Variants in CCDC146 observed in about 807,000 individuals in gnomAD.
The protein encoded by CCDC146 is coiled-coil domain-containing protein 146.
Under a neutral mutation model 119.3 loss-of-function variants are expected in CCDC146, and 92 were observed. That is an observed-to-expected ratio of 0.77 (90% confidence interval 0.65 to 0.92). The LOEUF is 0.92. CCDC146 is among the 40% of genes least tolerant of loss of function. CCDC146 has a pLI of 0.00. For missense variants in CCDC146, 1,000 were observed against 1,103.0 expected, an observed-to-expected ratio of 0.91 and a Z score of 1.32; for synonymous variants, 372 against 371.8, an observed-to-expected ratio of 1.00 and a Z score of -0.01.
intron 9 of CCDC146, among the ~76,000 whole-genome samples, chr7:77,265,811 G>A (rs973360451): frequency 6.6e-6 from 1 of 152,236 alleles, no homozygotes; most frequent in Admixed American, 6.5e-5. Flanking sequence ...ACTTCCTGGT[G>A]AGCAGAAACA....
chr7:77,149,462 C>T (rs867748247), intron 1 of CCDC146, among the ~76,000 whole-genome samples: 1 of 152,094 alleles, frequency 6.6e-6, no homozygotes, highest in Middle Eastern at 3.4e-3. Flanking sequence ...ACTTATAATA[C>T]CTAATTTTAA....
At chr7:77,133,836 C>G (rs1452542073) in intron 1 of CCDC146, among the ~76,000 whole-genome samples, 1 of 147,162 alleles carries the variant, frequency 6.8e-6, no homozygotes, top group East Asian at 1.9e-4. Flanking sequence ...GGTACACACA[C>G]ACACACACAC....
chr7:77,247,430 T>A, intron 4 of CCDC146, among the ~76,000 whole-genome samples: 1 of 152,170 alleles, frequency 6.6e-6, no homozygotes, highest in East Asian at 1.9e-4. Context: ...AGGTGTAGGA[T>A]CAATACCTGG....
At position 77,196,015 on chromosome 7, in the gene CCDC146, A is replaced by T; in HGVS notation, c.156+28191A>T. On this transcript the variant is annotated intron_variant, in intron 2 of 18. Coordinates refer to ENST00000285871, the MANE Select transcript of CCDC146 (RefSeq NM_020879.3). The surrounding 1 kb of genome is among the most constrained non-coding windows in gnomAD (Gnocchi z 4.2). ...AGCAATAGAAAAAGTTTCAATAGAA[A>T]TTAAAAGAATTGTAAATCTAATGTA... 1 of 381,816 alleles carries T rather than the reference A, an allele frequency of 2.6e-6. No individual in the cohort carries two copies. 23.7% of individuals were successfully genotyped at this position (381,816 alleles called of 1,614,324 possible).
chr7:77,237,195 A>T (rs187070438), intron 3 of CCDC146, 166 bp downstream of exon 3: 7 of 600,528 alleles, frequency 1.2e-5, no homozygotes, highest in African/African-American at 1.8e-5. Flanking sequence ...AGAGTGGGGA[A>T]GTGCGACTGG....
chr7:77,147,667 G>A (rs1791042383), intron 1 of CCDC146, among the ~76,000 whole-genome samples: 1 of 152,192 alleles, frequency 6.6e-6, no homozygotes, highest in Non-Finnish European at 1.5e-5. Context: ...GAGTTTGCTG[G>A]AGGTCCACTC....
chr7:77,132,321 A>G (rs1790795815), intron 1 of CCDC146, among the ~76,000 whole-genome samples: 1 of 152,158 alleles, frequency 6.6e-6, no homozygotes, highest in Non-Finnish European at 1.5e-5. Context: ...AAAATCCTTA[A>G]CATTACATGA....
chr7:77,236,891 C>T (rs1792746006), intron 2 of CCDC146, 56 bp from the exon 3 acceptor site: 1 of 1,312,742 alleles, frequency 7.6e-7, no homozygotes, highest in African/African-American at 1.4e-5. Context: ...ATTCCATCCC[C>T]TGCTTAAGCC....
At chr7:77,131,653 GGTTGCA>G (rs1790787104) in intron 1 of CCDC146, among the ~76,000 whole-genome samples, 1 of 152,256 alleles carries the variant, frequency 6.6e-6, no homozygotes, top group African/African-American at 2.4e-5. Context: ...GGGAGGTAGA[GGTTGCA>G]GTGAACCAAG....
chr7:77,240,284 C>A (rs1347101270), intron 3 of CCDC146, among the ~76,000 whole-genome samples: 1 of 152,162 alleles, frequency 6.6e-6, no homozygotes, highest in Non-Finnish European at 1.5e-5. Context: ...ATCTGGACAC[C>A]AGCGGTAGTA....
At chr7:77,230,242 C>T (rs3108448) in intron 2 of CCDC146, among the ~76,000 whole-genome samples, 141,711 of 152,194 alleles carry the variant, frequency 0.93, 66,112 homozygotes, top group African/African-American at 0.98. Flanking sequence ...TTATGAATGA[C>T]GCTGCCATAT....
intron 8 of CCDC146, among the ~76,000 whole-genome samples, chr7:77,261,096 T>C (rs903794176): frequency 1.3e-5 from 2 of 152,204 alleles, no homozygotes; most frequent in African/African-American, 2.4e-5. Context: ...AACATGAGAA[T>C]AGTCATGTGT....
intron 1 of CCDC146, among the ~76,000 whole-genome samples, chr7:77,157,820 C>T (rs1344541526): frequency 3.3e-5 from 5 of 152,208 alleles, no homozygotes; most frequent in Middle Eastern, 3.4e-3. Context: ...TCAGTTAAAA[C>T]GTTTAGAATT....
intron 1 of CCDC146, among the ~76,000 whole-genome samples, chr7:77,124,487 A>G (rs1400889698): frequency 1.3e-5 from 2 of 152,230 alleles, no homozygotes; most frequent in Admixed American, 6.5e-5. Context: ...TTCTCCTCAC[A>G]CTATAGATGG....
At chr7:77,179,857 C>A (rs1256100517) in intron 2 of CCDC146, among the ~76,000 whole-genome samples, 1 of 152,150 alleles carries the variant, frequency 6.6e-6, no homozygotes, top group Non-Finnish European at 1.5e-5. Flanking sequence ...AAACAACTCC[C>A]CAATTCCCCT....
In CCDC146 at chr7:77,257,394, G is replaced by A. The variant is rs1283255276; in HGVS notation, c.684+885G>A. On this transcript the variant is annotated intron_variant, in intron 6 of 18. Coordinates refer to ENST00000285871, the MANE Select transcript of CCDC146 (RefSeq NM_020879.3). ...AAACTCATTGGCTTAGGGGATAATG[G>A]TGATACACTTTGACCTGTTTTTCTA... is the stretch of plus-strand genomic sequence containing the variant. 2.6e-5 allele frequency: 4 copies of A among 152,108 alleles called. No individual in the cohort carries two copies. In the East Asian group the frequency reaches 7.7e-4, roughly 29 times the overall value. 9.4% of individuals were successfully genotyped at this position (152,108 alleles called of 1,614,324 possible).
chr7:77,207,631 A>G (rs1319375489), intron 2 of CCDC146, among the ~76,000 whole-genome samples: 3 of 152,194 alleles, frequency 2.0e-5, no homozygotes, highest in Non-Finnish European at 4.4e-5. Flanking sequence ...AATAGAATGA[A>G]AAGAGCCTTA....
intron 1 of CCDC146, among the ~76,000 whole-genome samples, chr7:77,159,269 A>G (rs1393488565): frequency 1.3e-5 from 2 of 152,044 alleles, no homozygotes; most frequent in African/African-American, 4.8e-5. Context: ...TTTATCTTGC[A>G]TAGCTGAAAT....
At chr7:77,240,005 G>A (rs1284188710) in intron 3 of CCDC146, among the ~76,000 whole-genome samples, 2 of 152,152 alleles carry the variant, frequency 1.3e-5, no homozygotes, top group Non-Finnish European at 2.9e-5. Flanking sequence ...ATTCATAATT[G>A]CGTATGGGAA....
Sources: allele counts gnomAD v4.1 joint callset (sites outside exome capture counted in the v4.1 genomes callset), GRCh38; gene constraint gnomAD v4.1.1; non-coding constraint Gnocchi (gnomAD v3.1); transcripts MANE v1.5; gene names NCBI Gene and HGNC (gene_info 2026-07-23, HGNC 2026-07-21).